ANO9: variants seen among roughly 807,000 people sequenced by gnomAD.
ANO9 encodes the protein anoctamin 9.
In ANO9, 80 loss-of-function variants were observed where a neutral mutation model predicts 100.5. That is an observed-to-expected ratio of 0.80 (90% CI 0.66 to 0.96). The LOEUF (loss-of-function observed/expected upper bound fraction) is 0.96, where lower values mean the gene tolerates loss of function less well. Among genes scored for constraint, ANO9 ranks in the 40% least tolerant of loss-of-function variants. The pLI, the probability that ANO9 is intolerant of heterozygous loss-of-function variation, is 0.00. For missense variants in ANO9, 1,064 were observed against 1,072.7 expected (o/e 0.99, Z 0.11); for synonymous variants, 473 against 435.6 (o/e 1.09, Z -1.07).
intron 15 of ANO9, among the ~76,000 whole-genome samples, chr11:427,486 C>T (rs536019920): frequency 2.5e-4 from 38 of 152,164 alleles, no homozygotes; most frequent in Admixed American, 2.1e-3. Flanking sequence ...AATCCTAACA[C>T]TTTGGGAAAC....
At position 422,232 on chromosome 11, in the gene ANO9, G is replaced by C. The variant is rs890723507; in HGVS notation, c.1335-1034C>G. On this transcript the variant is annotated intron_variant, in intron 15 of 22. Coordinates refer to ENST00000332826, the MANE Select transcript of ANO9 (RefSeq NM_001012302.3). This position sits in a 1 kb window ranked among gnomAD's most constrained non-coding sequence, Gnocchi z 4.3. ...TGAAGAAAACTATAAAACTACCAAG[G>C]AGCATGAAAGACTTGCAGGGAGAAC... Among the ~76,000 whole-genome samples the C allele has an allele frequency of 2.0e-5, 3 of 152,158 alleles. No homozygotes were observed. Among genetic ancestry groups the C allele is most frequent in the Non-Finnish European group, 4.4e-5 (3 of 68,032 alleles).
Position 429,755 on chromosome 11 carries a change from C to T in ANO9, c.832+3G>A, listed in dbSNP as rs1243138327. 1 of 1,611,490 alleles carries T rather than the reference C, an allele frequency of 6.2e-7. No homozygotes were observed. The highest frequency in any genetic ancestry group is 8.5e-7 in the Non-Finnish European group (1 of 1,179,066). On this transcript the variant is annotated splice_donor_region_variant and intron_variant, in intron 10 of 22. Coordinates refer to ENST00000332826, the MANE Select transcript of ANO9 (RefSeq NM_001012302.3). ...CCCGCAGAGGCGTCCCGCAGCAACT[C>T]ACCCCAGAGAGCCATGAAGATGGCG...
rs192769789 is a variant in ANO9, at chr11:438,490, C to G, written c.6+3431G>C. Among the ~76,000 whole-genome samples, 5 of 150,726 alleles carry G rather than the reference C, an allele frequency of 3.3e-5. No homozygotes were observed. The East Asian group carries it at 9.8e-4, about 30-fold the overall frequency. On this transcript the variant is annotated intron_variant, in intron 1 of 22. Coordinates refer to ENST00000332826, the MANE Select transcript of ANO9 (RefSeq NM_001012302.3). ...ACACAGCCAGGCAGGTGTAGCCCCC[C>G]CAACACACACAGCCAGACAGGCCTC...
At chr11:437,335 G>A (rs373359555) in intron 1 of ANO9, among the ~76,000 whole-genome samples, 273 of 152,252 alleles carry the variant, frequency 1.8e-3, no homozygotes, top group African/African-American at 5.1e-3. Context: ...CCGACGCCCC[G>A]GTCACAGGGA....
At chr11:434,755 C>T (rs545880189) in intron 1 of ANO9, among the ~76,000 whole-genome samples, 27 of 152,278 alleles carry the variant, frequency 1.8e-4, no homozygotes, top group African/African-American at 5.3e-4. Context: ...TGCAGGGTGA[C>T]GGGCGCAGGC....
chr11:431,801 C>G, intron 6 of ANO9, 34 bp from the exon 7 acceptor site: 1 of 1,612,234 alleles, frequency 6.2e-7, no homozygotes, highest in Non-Finnish European at 8.5e-7. Flanking sequence ...GAGCCCCCAT[C>G]CCAGGGTCCC....
Position 432,369 on chromosome 11 carries a change from C to T in ANO9, c.351-315G>A, listed in dbSNP as rs1017931338. On this transcript the variant is annotated intron_variant, in intron 4 of 22. Coordinates refer to ENST00000332826, the MANE Select transcript of ANO9 (RefSeq NM_001012302.3). This position sits in a 1 kb window ranked among gnomAD's most constrained non-coding sequence, Gnocchi z 4.8. ...CACCTGCAACCACACCTCCCACCTGCGGGCCCCATGTGTCCAGAGCACACC... is the reference window on the plus strand; with the variant it reads ...CACCTGCAACCACACCTCCCACCTGTGGGCCCCATGTGTCCAGAGCACACC... The T allele has an allele frequency of 1.5e-5, 7 of 455,562 alleles. No individual in the cohort carries two copies. The highest frequency in any genetic ancestry group is 2.0e-5 in the Non-Finnish European group (5 of 246,896). 28.2% of individuals were successfully genotyped at this position (455,562 alleles called of 1,614,324 possible). A position where few individuals can be genotyped will look rare whatever the true frequency, so the allele number is the denominator to read the frequency against.
rs112663346 is a variant in ANO9, at chr11:429,746, G to A, written c.832+12C>T. On this transcript the variant is annotated intron_variant, in intron 10 of 22. Transcript: ENST00000332826. ...TCCCCTGGCCCCGCAGAGGCGTCCC[G>A]CAGCAACTCACCCCAGAGAGCCATG... 6,709 of 1,611,416 alleles carry A rather than the reference G, an allele frequency of 4.2e-3. 153 individuals are homozygous for A. In the African/African-American group the frequency reaches 0.058, roughly 14 times the overall value.
intron 1 of ANO9, among the ~76,000 whole-genome samples, chr11:435,683 G>A (rs866047718): frequency 2.2e-4 from 25 of 111,476 alleles, no homozygotes; most frequent in African/African-American, 9.2e-4. Flanking sequence ...AGTCTAGTAT[G>A]GTCTAGTCTA....
chr11:433,552 C>CT lies in ANO9; in HGVS notation c.205-94dup, dbSNP rs1386762561. On this transcript the variant is annotated intron_variant, in intron 3 of 22. Coordinates refer to ENST00000332826, the MANE Select transcript of ANO9 (RefSeq NM_001012302.3). ...CCCCCCTCTATTCCACCTCAGAACC[C>CT]TCCCCCCTCTATTCCGCCTCAGAAC... 2.2e-4 allele frequency: 334 copies of CT among 1,492,836 alleles called. 1 individual carries two copies. In the African/African-American group the frequency reaches 3.0e-3, roughly 13 times the overall value. 92.5% of individuals were successfully genotyped at this position (1,492,836 alleles called of 1,614,324 possible).
chr11:428,790 A>C lies in ANO9; in HGVS notation c.952T>G (p.Tyr318Asp), dbSNP rs1183407556. 2 of 1,613,182 alleles carry C rather than the reference A, an allele frequency of 1.2e-6. No individual in the cohort carries two copies. The highest frequency in any genetic ancestry group is 1.7e-6 in the Non-Finnish European group (2 of 1,179,948). The change falls in exon 12 of 23, where the codon TAC becomes GAC. Residue 318 changes from tyrosine to aspartate, a missense_variant. Coordinates refer to ENST00000332826, the MANE Select transcript of ANO9 (RefSeq NM_001012302.3). Reference sequence around the variant, plus strand: ...GAGTGCTGGTATGGCCGGAGCTTGTAGTCGGGGCAGTTAATGAGCTGAAGT... The same window carrying C: ...GAGTGCTGGTATGGCCGGAGCTTGTCGTCGGGGCAGTTAATGAGCTGAAGT... ...MALQLINCPD[Y>D]KLRPYQHSYL...
At chr11:433,778 G>A in intron 3 of ANO9, 37 bp downstream of exon 3, 1 of 1,539,382 alleles carries the variant, frequency 6.5e-7, no homozygotes, top group Middle Eastern at 1.7e-4. Flanking sequence ...ACCCGCCCCG[G>A]CCCCATGGCC....
rs757597491 is a variant in ANO9, at chr11:433,788, C to T, written c.204+27G>A. On this transcript the variant is annotated intron_variant, in intron 3 of 22. Coordinates refer to ENST00000332826, the MANE Select transcript of ANO9 (RefSeq NM_001012302.3). The stretch of plus-strand genomic sequence containing the variant: ...TGGACACCCGCCCCGGCCCCATGGC[C>T]CTGCCCCTCGCTGGGCACCCGCCCA... 4.4e-5 allele frequency: 68 copies of T among 1,548,020 alleles called. No individual in the cohort carries two copies. In the East Asian group the frequency reaches 1.6e-3, roughly 36 times the overall value.
chr11:421,358 G>C lies in ANO9; in HGVS notation c.1335-160C>G. 1 of 633,122 alleles carries C rather than the reference G, an allele frequency of 1.6e-6. No individual in the cohort carries two copies. The highest frequency in any genetic ancestry group is 2.6e-6 in the Non-Finnish European group (1 of 385,882). The allele number at this position is 633,122 out of a possible 1,614,324, so 39.2% of individuals were successfully genotyped here. On this transcript the variant is annotated intron_variant, in intron 15 of 22. Coordinates refer to ENST00000332826, the MANE Select transcript of ANO9 (RefSeq NM_001012302.3). The surrounding 1 kb of genome is among the most constrained non-coding windows in gnomAD (Gnocchi z 6.8). ...GCTCACACCCAGATGAACCGCACCC[G>C]CACGTGGGCACGCACACACACACAC... is the stretch of plus-strand genomic sequence containing the variant.
chr11:419,748 C>T lies in ANO9; in HGVS notation c.1787-19G>A, dbSNP rs1443610322. 1 of 1,611,134 alleles carries T rather than the reference C, an allele frequency of 6.2e-7. No homozygotes were observed. The highest frequency in any genetic ancestry group is 1.1e-5 in the South Asian group (1 of 90,872). On this transcript the variant is annotated intron_variant, in intron 19 of 22. Transcript: ENST00000332826. ...CAGGTCCCTGCACCAGAGCAGTGGG[C>T]AAGCGGTCTGACTCAGCGTCCCTCG...
At position 428,169 on chromosome 11, in the gene ANO9, C is replaced by A; in HGVS notation, c.1253G>T (p.Ser418Ile). Reference protein sequence around the residue: ...EMPRTFSERESRFTIRFFTLQ... With the variant: ...EMPRTFSEREIRFTIRFFTLQ... Reference sequence around the variant, plus strand: ...TGTGAAGAAGCGGATGGTGAACCTGCTCTCTCGCTCCGAGAAGGTCCTGGG... The same window carrying A: ...TGTGAAGAAGCGGATGGTGAACCTGATCTCTCGCTCCGAGAAGGTCCTGGG... The change falls in exon 15 of 23, where the codon AGC (serine) becomes ATC (isoleucine). Residue 418 changes from serine (S) to isoleucine (I), a missense_variant. Coordinates refer to ENST00000332826, the MANE Select transcript of ANO9 (RefSeq NM_001012302.3). 1 of 1,612,016 alleles carries A rather than the reference C, an allele frequency of 6.2e-7. No homozygotes were observed.
intron 15 of ANO9, among the ~76,000 whole-genome samples, chr11:423,698 G>A (rs575672538): frequency 2.0e-5 from 3 of 151,880 alleles, no homozygotes; most frequent in African/African-American, 7.2e-5. Flanking sequence ...GTAGAGACGT[G>A]CGGTGGGGGG....
At chr11:438,238 G>T (rs557248349) in intron 1 of ANO9, among the ~76,000 whole-genome samples, 1 of 151,622 alleles carries the variant, frequency 6.6e-6, no homozygotes, top group African/African-American at 2.4e-5. Flanking sequence ...AGAGCTACAC[G>T]CACACCTGGG....
chr11:437,400 G>A (rs983450214), intron 1 of ANO9, among the ~76,000 whole-genome samples: 23 of 151,900 alleles, frequency 1.5e-4, no homozygotes, highest in Admixed American at 1.4e-3. Context: ...CAGCCTCCCT[G>A]CGGGGGGAAG....
Sources: allele counts gnomAD v4.1 joint callset (sites outside exome capture counted in the v4.1 genomes callset), GRCh38; gene constraint gnomAD v4.1.1; non-coding constraint Gnocchi (gnomAD v3.1); transcripts MANE v1.5; gene names NCBI Gene and HGNC (gene_info 2026-07-23, HGNC 2026-07-21).